CLSPN: variants seen among roughly 807,000 people sequenced by gnomAD.
The protein encoded by CLSPN is claspin, also known as claspin homolog.
Under a neutral mutation model 156.3 loss-of-function variants are expected in CLSPN, and 85 were observed. The ratio of observed to expected loss-of-function variants is 0.54; its 90% CI spans 0.46 to 0.65. The LOEUF is 0.65. Among genes scored for constraint, CLSPN ranks in the 30% least tolerant of loss-of-function variants. CLSPN has a pLI of 0.00. For missense variants in CLSPN, 1,407 were observed against 1,554.9 expected (o/e 0.90, Z 1.60); for synonymous variants, 534 against 542.4 (o/e 0.98, Z 0.22).
At chr1:35,728,077 CTTT>C (rs59275877), downstream of CLSPN, among the ~76,000 whole-genome samples, 9 of 103,958 alleles carry the variant, frequency 8.7e-5, no homozygotes, top group African/African-American at 1.8e-4. Context: ...AAACCACAAG[CTTT>C]TTTTTTTTTT....
intron 20 of CLSPN, among the ~76,000 whole-genome samples, chr1:35,738,908 C>T (rs1557502020): frequency 6.7e-6 from 1 of 150,360 alleles, no homozygotes; most frequent in Non-Finnish European, 1.5e-5. Context: ...TCACGCAATT[C>T]TCCTGCCTCA....
chr1:35,720,230 T>G (rs1050898608), exon 25 of CLSPN: 4 of 151,928 alleles, frequency 2.6e-5, no homozygotes, highest in African/African-American at 2.4e-5. Flanking sequence ...GAAAAGAAAT[T>G]TTTATGATTA....
At chr1:35,748,285 A>T in intron 13 of CLSPN, 120 bp downstream of exon 13, 1 of 1,044,992 alleles carries the variant, frequency 9.6e-7, no homozygotes, top group Non-Finnish European at 1.4e-6. Flanking sequence ...TGGATTTTTT[A>T]AACTGAACAC....
intron 8 of CLSPN, among the ~76,000 whole-genome samples, chr1:35,759,935 G>C (rs1642416646): frequency 6.7e-6 from 1 of 148,342 alleles, no homozygotes; most frequent in Admixed American, 6.9e-5. Context: ...CTGGGTTCAA[G>C]TAATTCTCCT....
At chr1:35,759,503 C>T (rs1642400393) in intron 8 of CLSPN, among the ~76,000 whole-genome samples, 1 of 152,174 alleles carries the variant, frequency 6.6e-6, no homozygotes, top group African/African-American at 2.4e-5. Context: ...CTTCTTATCT[C>T]GCCCATTAGA....
intron 24 of CLSPN, among the ~76,000 whole-genome samples, chr1:35,722,182 C>T (rs1380120166): frequency 6.6e-6 from 1 of 150,864 alleles, no homozygotes; most frequent in Non-Finnish European, 1.5e-5. Context: ...CTATATCGTG[C>T]TCTGCAGGGC....
chr1:35,732,598 T>C lies in CLSPN; in HGVS notation c.*3898A>G. 3.0e-6 allele frequency: 3 copies of C among 985,426 alleles called. No individual in the cohort carries two copies. The highest frequency in any genetic ancestry group is 3.6e-6 in the Non-Finnish European group (3 of 829,936). 61.0% of individuals were successfully genotyped at this position (985,426 alleles called of 1,614,324 possible). ...AATACCATGTATCCCTACTCAAGTG[T>C]ATGGAACAAGGAAGAAACAAAAACA... On this transcript the variant is annotated 3_prime_UTR_variant, in exon 25 of 25. Transcript: ENST00000318121.
chr1:35,756,673 G>A (rs190303973), intron 8 of CLSPN, among the ~76,000 whole-genome samples: 16 of 152,260 alleles, frequency 1.1e-4, no homozygotes, highest in Non-Finnish European at 2.1e-4. Flanking sequence ...ATTAGAGGCA[G>A]GGATTATTCC....
chr1:35,737,364 G>T lies in CLSPN; in HGVS notation c.3722C>A (p.Ala1241Asp), dbSNP rs56311745. Residue 1241 changes from alanine (A) to aspartate (D), a missense_variant, in exon 23 of 25, where the codon GCC (alanine) becomes GAC (aspartate). Transcript: ENST00000318121. The stretch of plus-strand genomic sequence containing the variant: ...CTGTTGAGCACTTCCTGGTCTGATG[G>T]CTTCAAAAGGATTTCTGAGCAAAGA... The part of the protein sequence containing the change: ...SKSLLRNPFE[A>D]IRPGSAQQVK... 6.2e-7 allele frequency: 1 copy of T among 1,613,946 alleles called. No individual in the cohort carries two copies. Among genetic ancestry groups the T allele is most frequent in the Admixed American group, 1.7e-5 (1 of 60,014 alleles).
chr1:35,731,870 A>G (rs1397805819), downstream of CLSPN, among the ~76,000 whole-genome samples: 2 of 152,188 alleles, frequency 1.3e-5, no homozygotes, highest in Non-Finnish European at 2.9e-5. Context: ...TTTAAGTTTG[A>G]GATATTTGAG....
rs146586312 is a variant in CLSPN at position 35,745,647 on chromosome 1, G to A, written c.2855-85C>T. ...CAGCCATCTAAAGTCATGCCAGCTC[G>A]ATACAGTTCTAAGGTAAGCTTGCCA... On this transcript the variant is annotated intron_variant, in intron 15 of 24. Transcript: ENST00000318121. The A allele has an allele frequency of 9.0e-5, 83 of 922,896 alleles. No individual in the cohort carries two copies. In the East Asian group the frequency reaches 1.5e-3, roughly 16 times the overall value. 57.2% of individuals were successfully genotyped at this position (922,896 alleles called of 1,614,324 possible).
intron 22 of CLSPN, 190 bp downstream of exon 22, chr1:35,737,802 C>T (rs1641527854): frequency 2.3e-6 from 1 of 438,780 alleles, no homozygotes; most frequent in African/African-American, 2.0e-5. Context: ...CTCATGAATA[C>T]AGTCTCTACT....
chr1:35,751,271 C>T lies in CLSPN; in HGVS notation c.2007G>A (p.Glu669=). The change falls in exon 10 of 25, where the codon GAG becomes GAA. Residue 669 remains glutamate, a synonymous_variant. Coordinates refer to ENST00000318121, the MANE Select transcript of CLSPN (RefSeq NM_022111.4). ...LEEEEEKEEE[E]EEEGNQETAE... ...AAACCTCCTGATTTCCTTCTTCTTC[C>T]TCCTCCTCTTCTTTCTCCTCCTCTT... is the stretch of plus-strand genomic sequence containing the variant. 3 of 1,590,898 alleles carry T rather than the reference C, an allele frequency of 1.9e-6. No homozygotes were observed. The highest frequency in any genetic ancestry group is 1.7e-5 in the Admixed American group (1 of 58,646).
At position 35,764,407 on chromosome 1, in the gene CLSPN, G is replaced by C; in HGVS notation, c.441C>G (p.Asp147Glu). 6.2e-7 allele frequency: 1 copy of C among 1,613,624 alleles called. No homozygotes were observed. The change falls in exon 3 of 25, where the codon GAC becomes GAG. Residue 147 changes from aspartate (D) to glutamate (E), a missense_variant. Around this residue, in one of 3 missense-constraint regions of CLSPN, gnomAD observed 1,096 missense variants for 1,193.0 expected, o/e 0.92. Coordinates refer to ENST00000318121, the MANE Select transcript of CLSPN (RefSeq NM_022111.4). ...QSGNSTDFTT[D>E]RKSSKKHIHD... ...GTATGTGCTTTTTGGAACTCTTTCT[G>C]TCAGTGGTAAAGTCTGTAGAGTTTC...
At chr1:35,731,681 G>T (rs546112748), downstream of CLSPN, among the ~76,000 whole-genome samples, 1 of 152,230 alleles carries the variant, frequency 6.6e-6, no homozygotes, top group South Asian at 2.1e-4. Context: ...GCTGATTCCA[G>T]ATGCAATTTG....
In CLSPN at chr1:35,764,648, G is replaced by T; in HGVS notation, c.200C>A (p.Ser67Tyr). 6.2e-7 allele frequency: 1 copy of T among 1,611,494 alleles called. No homozygotes were observed. The highest frequency in any genetic ancestry group is 8.5e-7 in the Non-Finnish European group (1 of 1,179,444). ...KNRKVLQDSD[S>Y]ETEDTNASPE... Reference sequence around the variant, plus strand: ...AGAGGCATTTGTGTCCTCTGTTTCGGAATCACTGTCTTGTAGAACCTTCCT... The same window carrying T: ...AGAGGCATTTGTGTCCTCTGTTTCGTAATCACTGTCTTGTAGAACCTTCCT... Residue 67 changes from serine (S) to tyrosine (Y), a missense_variant, in exon 3 of 25, where the codon TCC becomes TAC. Transcript: ENST00000318121.
At chr1:35,766,804 G>C (rs988308519) in intron 1 of CLSPN, among the ~76,000 whole-genome samples, 8 of 150,428 alleles carry the variant, frequency 5.3e-5, no homozygotes, top group Non-Finnish European at 1.0e-4. Flanking sequence ...GCCCAAGCTG[G>C]AGTGCAATGG....
Position 35,738,437 on chromosome 1 carries a change from G to A in CLSPN, c.3558+18C>T, listed in dbSNP as rs1353583794. ...GGGACAGTCTCATAAACTAGGGTCA[G>A]AGTAGGTGAACTCCTACCATGTCCC... On this transcript the variant is annotated intron_variant, in intron 21 of 24. Transcript: ENST00000318121. 6.2e-7 allele frequency: 1 copy of A among 1,612,696 alleles called. No homozygotes were observed. The highest frequency in any genetic ancestry group is 8.5e-7 in the Non-Finnish European group (1 of 1,178,944).
intron 1 of CLSPN, among the ~76,000 whole-genome samples, chr1:35,765,562 T>A (rs1642643367): frequency 6.6e-6 from 1 of 151,810 alleles, no homozygotes; most frequent in African/African-American, 2.4e-5. Context: ...AAAAAAAAAA[T>A]GAAAAGAATC....
Sources: allele counts gnomAD v4.1 joint callset (sites outside exome capture counted in the v4.1 genomes callset), GRCh38; gene constraint gnomAD v4.1.1; regional missense constraint gnomAD v4.1.1; transcripts MANE v1.5; gene names NCBI Gene and HGNC (gene_info 2026-07-23, HGNC 2026-07-21).